Variants in EIF4G3 observed in about 807,000 individuals in gnomAD.
EIF4G3 encodes the protein eIF-4-gamma 3.
In EIF4G3, 34 loss-of-function variants were observed where a neutral mutation model predicts 186.4. The ratio of observed to expected loss-of-function variants is 0.18; its 90% CI spans 0.14 to 0.24. The LOEUF is 0.24. Among genes scored for constraint, EIF4G3 ranks in the 10% least tolerant of loss-of-function variants. The pLI, the probability that EIF4G3 is intolerant of heterozygous loss-of-function variation, is 1.00. For missense variants in EIF4G3, 1,536 were observed against 1,948.5 expected (o/e 0.79, Z 3.99); for synonymous variants, 673 against 679.5 (o/e 0.99, Z 0.15).
intron 3 of EIF4G3, among the ~76,000 whole-genome samples, chr1:21,083,659 T>C (rs532976508): frequency 3.9e-5 from 6 of 152,188 alleles, no homozygotes; most frequent in African/African-American, 1.4e-4. Context: ...ACTACAAATA[T>C]GACAGTAGTT....
chr1:20,972,947 G>A, intron 11 of EIF4G3, 55 bp downstream of exon 11: 7 of 1,401,064 alleles, frequency 5.0e-6, no homozygotes, highest in Non-Finnish European at 6.8e-6. Context: ...AAACTTATCT[G>A]ATAAGTGAAT....
In EIF4G3 at chr1:20,904,957, T is replaced by C; in HGVS notation, c.1678A>G (p.Thr560Ala). ...RSPVPAQIAI[T>A]VPKTWKKPKD... is the part of the protein sequence containing the mutation. ...GGTTTCTTCCATGTCTTTGGTACAGTTATAGCTATTTGAGCTGAAATACAA... is the reference window on the plus strand; with the variant it reads ...GGTTTCTTCCATGTCTTTGGTACAGCTATAGCTATTTGAGCTGAAATACAA... The change falls in exon 15 of 37, where the codon ACT becomes GCT. Residue 560 changes from threonine (T) to alanine (A), a missense_variant. Coordinates refer to ENST00000602326, the MANE Select transcript of EIF4G3 (RefSeq NM_001391906.1). The C allele has an allele frequency of 4.3e-6, 7 of 1,613,594 alleles. No homozygotes were observed. The highest frequency in any genetic ancestry group is 5.9e-6 in the Non-Finnish European group (7 of 1,179,770).
chr1:20,981,161 G>T lies in EIF4G3; in HGVS notation c.265C>A (p.Pro89Thr). Residue 89 changes from proline (P) to threonine (T), a missense_variant, in exon 9 of 37, where the codon CCT (proline) becomes ACT (threonine). Pro to Thr is a conservative substitution (Grantham distance 38). Around this residue, in one of 11 missense-constraint regions of EIF4G3, gnomAD observed 194 missense variants for 212.8 expected, o/e 0.91. Transcript: ENST00000602326. ...TIPNSSPSIR[P>T]GAQTPTAVYQ... Reference sequence around the variant, plus strand: ...ACTGCAGTGGGTGTCTGTGCACCAGGACGAATGGAAGGACTGCTGTTCGGG... The same window carrying T: ...ACTGCAGTGGGTGTCTGTGCACCAGTACGAATGGAAGGACTGCTGTTCGGG... The T allele has an allele frequency of 6.2e-7, 1 of 1,613,882 alleles. No homozygotes were observed. Among genetic ancestry groups the T allele is most frequent in the Non-Finnish European group, 8.5e-7 (1 of 1,179,914 alleles).
intron 13 of EIF4G3, among the ~76,000 whole-genome samples, chr1:20,949,236 T>C (rs2096098502): frequency 6.6e-6 from 1 of 152,210 alleles, no homozygotes; most frequent in African/African-American, 2.4e-5. Flanking sequence ...AGAAAGACTA[T>C]GATATCCCAC....
At chr1:21,084,353 T>C (rs1166982642) in intron 3 of EIF4G3, among the ~76,000 whole-genome samples, 1 of 151,990 alleles carries the variant, frequency 6.6e-6, no homozygotes, top group Non-Finnish European at 1.5e-5. Flanking sequence ...AGGCACGTCT[T>C]ACATGATGGC....
In EIF4G3 at chr1:20,824,621, G is replaced by A. The variant is rs1224308714; in HGVS notation, c.4368+479C>T. Among the ~76,000 whole-genome samples the A allele has an allele frequency of 2.0e-5, 3 of 152,190 alleles. No individual in the cohort carries two copies. In the East Asian group the frequency reaches 5.8e-4, roughly 29 times the overall value. On this transcript the variant is annotated intron_variant, in intron 33 of 36. Coordinates refer to ENST00000602326, the MANE Select transcript of EIF4G3 (RefSeq NM_001391906.1). ...TGTAGATTTCTGGATCTAGTTACCA[G>A]TCAGTAGGCAGGATAGCTAAGGTTC...
intron 4 of EIF4G3, among the ~76,000 whole-genome samples, chr1:21,006,042 A>G (rs1039001203): frequency 4.6e-5 from 7 of 152,188 alleles, no homozygotes; most frequent in Non-Finnish European, 8.8e-5. Flanking sequence ...ACGGTGGCAC[A>G]TGACAAAGAA....
intron 11 of EIF4G3, among the ~76,000 whole-genome samples, chr1:20,969,947 A>G (rs1289363341): frequency 1.3e-5 from 2 of 152,190 alleles, no homozygotes; most frequent in African/African-American, 4.8e-5. Context: ...TATGAAAGTT[A>G]CTGCATAGAT....
chr1:21,069,838 G>C (rs2095389664), intron 3 of EIF4G3, among the ~76,000 whole-genome samples: 1 of 152,144 alleles, frequency 6.6e-6, no homozygotes, highest in Admixed American at 6.6e-5. Flanking sequence ...CTGACTGTGA[G>C]GTTTGTCGAA....
chr1:21,114,381 G>A (rs545036491), intron 2 of EIF4G3, among the ~76,000 whole-genome samples: 2 of 152,136 alleles, frequency 1.3e-5, no homozygotes, highest in African/African-American at 2.4e-5. Context: ...CACCCGCCTC[G>A]GCCTCCCAAA....
intron 14 of EIF4G3, among the ~76,000 whole-genome samples, chr1:20,928,604 T>C (rs1572981759): frequency 1.3e-5 from 2 of 152,184 alleles, no homozygotes; most frequent in South Asian, 2.1e-4. Context: ...GGTTTCACCA[T>C]GTTGGCCAGG....
chr1:20,981,169 G>C lies in EIF4G3; in HGVS notation c.257C>G (p.Ser86Cys), dbSNP rs780003674. The C allele has an allele frequency of 4.3e-6, 7 of 1,613,724 alleles. No homozygotes were observed. Among genetic ancestry groups the C allele is most frequent in the Admixed American group, 1.7e-5 (1 of 59,984 alleles). The change falls in exon 9 of 37, where the codon TCC becomes TGC. Residue 86 changes from serine to cysteine, a missense_variant. Coordinates refer to ENST00000602326, the MANE Select transcript of EIF4G3 (RefSeq NM_001391906.1). ...PRATIPNSSP[S>C]IRPGAQTPTA... is the part of the protein sequence containing the mutation. ...GGGTGTCTGTGCACCAGGACGAATGGAAGGACTGCTGTTCGGGATGGTAGC... is the reference window on the plus strand; with the variant it reads ...GGGTGTCTGTGCACCAGGACGAATGCAAGGACTGCTGTTCGGGATGGTAGC...
At chr1:21,132,516 C>G (rs1222521154) in intron 2 of EIF4G3, among the ~76,000 whole-genome samples, 1 of 151,456 alleles carries the variant, frequency 6.6e-6, no homozygotes, top group Non-Finnish European at 1.5e-5. Flanking sequence ...CTCACCAGAG[C>G]CTGGATTTCT....
intron 12 of EIF4G3, among the ~76,000 whole-genome samples, chr1:20,960,698 G>A (rs1290995505): frequency 2.0e-5 from 3 of 152,136 alleles, no homozygotes; most frequent in Non-Finnish European, 4.4e-5. Flanking sequence ...TGTCAAGGCT[G>A]CAGTGAGCTG....
intron 12 of EIF4G3, among the ~76,000 whole-genome samples, chr1:20,950,379 T>C (rs1259057937): frequency 6.6e-6 from 1 of 152,150 alleles, no homozygotes; most frequent in African/African-American, 2.4e-5. Flanking sequence ...CAACAATCAT[T>C]AGCACAATTT....
At chr1:20,849,637 C>G in intron 28 of EIF4G3, 107 bp from the exon 29 acceptor site, 1 of 476,708 alleles carries the variant, frequency 2.1e-6, no homozygotes, top group Non-Finnish European at 3.7e-6. Flanking sequence ...TTAATAGCTA[C>G]AAGACATTTA....
chr1:20,845,696 A>T (rs1432733504), intron 29 of EIF4G3, among the ~76,000 whole-genome samples: 4 of 150,224 alleles, frequency 2.7e-5, no homozygotes, highest in African/African-American at 7.5e-5. Flanking sequence ...AATAAAAAAT[A>T]AAAAAAATAC....
intron 3 of EIF4G3, among the ~76,000 whole-genome samples, chr1:21,059,069 C>T (rs545115558): frequency 6.6e-6 from 1 of 151,868 alleles, no homozygotes; most frequent in African/African-American, 2.4e-5. Context: ...CAGGAAACTC[C>T]AGGATTCCTA....
At chr1:21,068,840 TC>T (rs1485837796) in intron 3 of EIF4G3, among the ~76,000 whole-genome samples, 7 of 152,186 alleles carry the variant, frequency 4.6e-5, no homozygotes, top group African/African-American at 7.2e-5. Flanking sequence ...CAGAAATGTT[TC>T]AGATTTCAGA....
Sources: gnomAD v4.1 joint callset for allele counts (sites outside exome capture counted in the v4.1 genomes callset) on GRCh38, gnomAD v4.1.1 for gene constraint, gnomAD v4.1.1 regional missense constraint, MANE v1.5 for transcripts, NCBI Gene and HGNC (gene_info 2026-07-23, HGNC 2026-07-21) for gene names.